DAP: variants seen among roughly 807,000 people sequenced by gnomAD.
The protein encoded by DAP is death-associated protein 1.
In DAP, 8 loss-of-function variants were observed where a neutral mutation model predicts 13.8. The ratio of observed to expected loss-of-function variants is 0.58; its 90% CI spans 0.34 to 1.05. The LOEUF is 1.05. DAP is among the 50% of genes least tolerant of loss of function. The pLI, the probability that DAP is intolerant of heterozygous loss-of-function variation, is 0.03. For missense variants in DAP, 106 were observed against 133.2 expected, an observed-to-expected ratio of 0.80 and a Z score of 1.01; for synonymous variants, 47 against 47.5, an observed-to-expected ratio of 0.99 and a Z score of 0.04.
At chr5:10,711,502 C>T (rs367600492) in intron 2 of DAP, among the ~76,000 whole-genome samples, 13 of 152,322 alleles carry the variant, frequency 8.5e-5, no homozygotes, top group East Asian at 3.9e-4. Flanking sequence ...TGAGGACACA[C>T]GTGCACCTAC....
intron 2 of DAP, among the ~76,000 whole-genome samples, chr5:10,740,565 G>A (rs1739729720): frequency 6.6e-6 from 1 of 152,102 alleles, no homozygotes; most frequent in South Asian, 2.1e-4. Context: ...ATTACATACA[G>A]AGAAAAATGA....
chr5:10,752,327 C>T (rs753782454), intron 1 of DAP, among the ~76,000 whole-genome samples: 6 of 152,162 alleles, frequency 3.9e-5, no homozygotes, highest in Non-Finnish European at 5.9e-5. Context: ...GAGACAGATT[C>T]ATTTTAACTT....
chr5:10,703,818 C>A (rs1308917805), intron 2 of DAP, among the ~76,000 whole-genome samples: 1 of 152,210 alleles, frequency 6.6e-6, no homozygotes, highest in East Asian at 1.9e-4. Flanking sequence ...CCCAAGGACT[C>A]CAGGTAGAGG....
intron 1 of DAP, among the ~76,000 whole-genome samples, chr5:10,759,253 G>A (rs1739886279): frequency 6.6e-6 from 1 of 152,164 alleles, no homozygotes; most frequent in African/African-American, 2.4e-5. Context: ...CTTTGGTTCT[G>A]TATCATTCCA....
At chr5:10,695,945 A>C (rs1376785779) in intron 2 of DAP, among the ~76,000 whole-genome samples, 1 of 151,956 alleles carries the variant, frequency 6.6e-6, no homozygotes, top group Non-Finnish European at 1.5e-5. Context: ...TCAGTAGATG[A>C]CGTGTTCCAC....
At chr5:10,704,343 A>G (rs1378069293) in intron 2 of DAP, among the ~76,000 whole-genome samples, 2 of 152,174 alleles carry the variant, frequency 1.3e-5, no homozygotes, top group African/African-American at 2.4e-5. Flanking sequence ...TTTTGCCACC[A>G]TGAGTTTCAG....
intron 2 of DAP, among the ~76,000 whole-genome samples, chr5:10,685,057 CTT>C (rs1285209036): frequency 6.6e-6 from 1 of 152,216 alleles, no homozygotes; most frequent in Non-Finnish European, 1.5e-5. Flanking sequence ...CTTGTCTTAG[CTT>C]TGTTTTGCTG....
At chr5:10,753,898 AG>A (rs2111397167) in intron 1 of DAP, among the ~76,000 whole-genome samples, 1 of 152,386 alleles carries the variant, frequency 6.6e-6, no homozygotes, top group Admixed American at 6.5e-5. Context: ...AAAGGTTCTG[AG>A]GACTGTTCCA....
chr5:10,705,024 A>G (rs1213982260), intron 2 of DAP, among the ~76,000 whole-genome samples: 1 of 152,202 alleles, frequency 6.6e-6, no homozygotes. Flanking sequence ...CCTGCAATGC[A>G]ATTTGAGTAG....
At chr5:10,686,698 T>C (rs1561005976) in intron 2 of DAP, among the ~76,000 whole-genome samples, 1 of 152,160 alleles carries the variant, frequency 6.6e-6, no homozygotes, top group African/African-American at 2.4e-5. Context: ...GGTTGGTTCA[T>C]GAGGTTTAAG....
chr5:10,735,960 T>A (rs573603175), intron 2 of DAP, among the ~76,000 whole-genome samples: 1 of 152,308 alleles, frequency 6.6e-6, no homozygotes. Context: ...ACAGGGTTGT[T>A]GCAGATGTAA....
chr5:10,719,871 G>A (rs1405615815), intron 2 of DAP, among the ~76,000 whole-genome samples: 1 of 152,186 alleles, frequency 6.6e-6, no homozygotes, highest in Non-Finnish European at 1.5e-5. Context: ...TTCACAGATG[G>A]TTCTGCACAA....
At chr5:10,696,602 T>G (rs1738445306) in intron 2 of DAP, among the ~76,000 whole-genome samples, 1 of 152,216 alleles carries the variant, frequency 6.6e-6, no homozygotes, top group South Asian at 2.1e-4. Flanking sequence ...TCACTGTGCT[T>G]GGAATAGGCC....
intron 2 of DAP, among the ~76,000 whole-genome samples, chr5:10,718,818 C>T (rs1379514163): frequency 6.6e-6 from 1 of 152,222 alleles, no homozygotes; most frequent in African/African-American, 2.4e-5. Context: ...TCTGGCAAGA[C>T]CAGCAATACA....
chr5:10,710,174 C>T lies in DAP; in HGVS notation c.153-26603G>A, dbSNP rs5745244. ...CCTCGGCTACAAAACAATCCAGCCC[C>T]GAAGCCTCAGGGAGAGGTGGCTAGG... is the stretch of plus-strand genomic sequence containing the variant. On this transcript the variant is annotated intron_variant, in intron 2 of 3. Coordinates refer to ENST00000230895, the MANE Select transcript of DAP (RefSeq NM_004394.3). Among the ~76,000 whole-genome samples, 162 of 152,322 alleles carry T rather than the reference C, an allele frequency of 1.1e-3. 1 individual carries two copies. In the East Asian group the frequency reaches 0.023, roughly 22 times the overall value.
intron 2 of DAP, among the ~76,000 whole-genome samples, chr5:10,740,257 A>G (rs1396723895): frequency 6.6e-6 from 1 of 152,232 alleles, no homozygotes; most frequent in African/African-American, 2.4e-5. Flanking sequence ...AGGAAAAAAG[A>G]GTCGGCGGCA....
At position 10,681,051 on chromosome 5, in the gene DAP, C is replaced by T. The variant is rs1311453081; in HGVS notation, c.*5G>A. On this transcript the variant is annotated 3_prime_UTR_variant, in exon 4 of 4. Coordinates refer to ENST00000230895, the MANE Select transcript of DAP (RefSeq NM_004394.3). ...GGCCATGGGGCAGGCTGGTGGACTC[C>T]AGGCTCACTTGCGTGGCTGCTGGAT... 3.8e-6 allele frequency: 6 copies of T among 1,588,196 alleles called. No homozygotes were observed. Among genetic ancestry groups the T allele is most frequent in the African/African-American group, 1.3e-5 (1 of 74,652 alleles).
intron 2 of DAP, among the ~76,000 whole-genome samples, chr5:10,711,289 G>A (rs1311769960): frequency 6.6e-6 from 1 of 152,182 alleles, no homozygotes; most frequent in South Asian, 2.1e-4. Flanking sequence ...GGGTGGCCTG[G>A]GGCTTTTACC....
chr5:10,740,604 C>A (rs750998668), intron 2 of DAP, among the ~76,000 whole-genome samples: 26 of 152,238 alleles, frequency 1.7e-4, no homozygotes, highest in Non-Finnish European at 2.8e-4. Flanking sequence ...TCTCGCTGTA[C>A]ACAATGGAAG....
Sources: allele counts gnomAD v4.1 joint callset (sites outside exome capture counted in the v4.1 genomes callset), GRCh38; gene constraint gnomAD v4.1.1; transcripts MANE v1.5; gene names NCBI Gene and HGNC (gene_info 2026-07-23, HGNC 2026-07-21).